The following TAB2 variants were observed in gnomAD, a reference collection of about 807,000 sequenced individuals.
TAB2 encodes TGF-beta activated kinase 1 (MAP3K7) binding protein 2, also known as TGF-beta-activated kinase 1 and MAP3K7-binding protein 2.
In TAB2, 3 loss-of-function variants were observed where a neutral mutation model predicts 65.0. The ratio of observed to expected loss-of-function variants is 0.05; its 90% CI spans 0.02 to 0.12. The LOEUF (loss-of-function observed/expected upper bound fraction) is 0.12. TAB2 is among the 10% of genes least tolerant of loss of function. The pLI is 1.00. For synonymous variants in TAB2, 298 were observed against 285.1 expected (o/e 1.05, Z -0.46); for missense variants, 623 against 840.3 (o/e 0.74, Z 3.20).
chr6:149,265,256 C>G (rs928380599), intron 1 of TAB2, among the ~76,000 whole-genome samples: 1 of 149,412 alleles, frequency 6.7e-6, no homozygotes, highest in African/African-American at 2.5e-5. Context: ...TCTCTAATGG[C>G]GAAGACCCTA....
At chr6:149,315,926 T>G (rs558864192), upstream of TAB2, among the ~76,000 whole-genome samples, 1 of 152,222 alleles carries the variant, frequency 6.6e-6, no homozygotes, top group East Asian at 1.9e-4. Flanking sequence ...TACATGTACA[T>G]TCCATAAATT....
At chr6:149,226,331 G>A (rs910627687) in intron 1 of TAB2, among the ~76,000 whole-genome samples, 49 of 152,204 alleles carry the variant, frequency 3.2e-4, no homozygotes, top group Admixed American at 2.4e-3. Flanking sequence ...GCGTGCTTCC[G>A]CTCTTCAGTG....
intron 2 of TAB2, among the ~76,000 whole-genome samples, chr6:149,374,051 C>G (rs116989619): frequency 6.6e-6 from 1 of 152,078 alleles, no homozygotes; most frequent in Non-Finnish European, 1.5e-5. Context: ...TATAATGATA[C>G]TAAAAATAAA....
At chr6:149,374,021 A>G (rs1478507132) in intron 2 of TAB2, among the ~76,000 whole-genome samples, 1 of 152,168 alleles carries the variant, frequency 6.6e-6, no homozygotes, top group Non-Finnish European at 1.5e-5. Context: ...ACACATCAAA[A>G]TATTAAAGAC....
chr6:149,336,274 A>T (rs1175850325), intron 1 of TAB2, among the ~76,000 whole-genome samples: 1 of 152,184 alleles, frequency 6.6e-6, no homozygotes, highest in African/African-American at 2.4e-5. Context: ...TGGGTTCTTA[A>T]TTAAATAGGA....
At position 149,387,449 on chromosome 6, in the gene TAB2, A is replaced by G. The variant is rs151019040; in HGVS notation, c.1603+7931A>G. Among the ~76,000 whole-genome samples the G allele has an allele frequency of 8.0e-3, 1,212 of 152,234 alleles. 17 individuals carry two copies. The highest frequency in any genetic ancestry group is 0.028 in the African/African-American group (1,167 of 41,546). ...GCGTGGGTTCATTTCTGGACTCTCA[A>G]TTCTTTTCCATTGTTCTATATGTTC... On this transcript the variant is annotated intron_variant, in intron 3 of 6. Transcript: ENST00000637181.
rs1009398583 is a variant in TAB2 at position 149,351,206 on chromosome 6, T to C, written c.-89-18703T>C. ...TCTAGCACTTTGCACAACCTAGTAC[T>C]GTTGAGTTTGTCATGTAGCTTTGTC... On this transcript the variant is annotated intron_variant, in intron 1 of 6. Transcript: ENST00000637181. 2.6e-5 allele frequency among the ~76,000 whole-genome samples: 4 copies of C among 152,320 alleles called. No individual in the cohort carries two copies. The South Asian group carries it at 6.2e-4, about 24-fold the overall frequency.
At chr6:149,290,202 T>C (rs1010378859) in intron 1 of TAB2, among the ~76,000 whole-genome samples, 2 of 152,302 alleles carry the variant, frequency 1.3e-5, no homozygotes, top group African/African-American at 4.8e-5. Context: ...GAACTAGTTT[T>C]TCAGGTTAAC....
intron 2 of TAB2, chr6:149,372,410 G>C (rs1287256270): frequency 6.6e-6 from 1 of 152,182 alleles, no homozygotes; most frequent in Non-Finnish European, 1.5e-5. Flanking sequence ...TGATGGGACA[G>C]AGTTAGGACT....
chr6:149,385,894 C>G (rs1781791979), intron 3 of TAB2, among the ~76,000 whole-genome samples: 1 of 152,044 alleles, frequency 6.6e-6, no homozygotes, highest in Non-Finnish European at 1.5e-5. Context: ...AAAACAAATG[C>G]AATAAAAATG....
At chr6:149,346,775 C>A (rs1238887840) in intron 1 of TAB2, among the ~76,000 whole-genome samples, 2 of 151,964 alleles carry the variant, frequency 1.3e-5, no homozygotes, top group African/African-American at 4.8e-5. Flanking sequence ...TTATAACTTT[C>A]TCTGAATATT....
chr6:149,260,935 C>A (rs1348337699), intron 1 of TAB2, among the ~76,000 whole-genome samples: 2 of 152,130 alleles, frequency 1.3e-5, no homozygotes, highest in African/African-American at 2.4e-5. Flanking sequence ...ATGTTTAGGG[C>A]CCTGAAATAC....
chr6:149,228,755 C>T (rs1165544760), intron 1 of TAB2, among the ~76,000 whole-genome samples: 2 of 152,236 alleles, frequency 1.3e-5, no homozygotes, highest in South Asian at 2.1e-4. Context: ...TAAATGTGTT[C>T]GGTTTAAGAG....
At chr6:149,239,015 T>C (rs1777549325) in intron 1 of TAB2, among the ~76,000 whole-genome samples, 1 of 152,162 alleles carries the variant, frequency 6.6e-6, no homozygotes, top group African/African-American at 2.4e-5. Flanking sequence ...ACAGCGGCAG[T>C]GGAAATATCT....
At position 149,369,987 on chromosome 6, in the gene TAB2, G is replaced by A; in HGVS notation, c.-11G>A. The A allele has an allele frequency of 1.2e-6, 2 of 1,610,128 alleles. No individual in the cohort carries two copies. The highest frequency in any genetic ancestry group is 1.1e-5 in the South Asian group (1 of 91,004). On this transcript the variant is annotated 5_prime_UTR_variant, in exon 2 of 7. Transcript: ENST00000637181. ...CTACTGTACAAATAGTCCTGATCAG[G>A]CAATATACGAATGGCCCAAGGAAGC...
intron 3 of TAB2, among the ~76,000 whole-genome samples, chr6:149,394,060 C>T (rs931934574): frequency 6.6e-6 from 1 of 151,978 alleles, no homozygotes; most frequent in Non-Finnish European, 1.5e-5. Flanking sequence ...TTTTTCTCTC[C>T]TCTTTTGCCA....
chr6:149,229,507 A>G (rs1777358412), intron 1 of TAB2, among the ~76,000 whole-genome samples: 1 of 151,316 alleles, frequency 6.6e-6, no homozygotes, highest in Non-Finnish European at 1.5e-5. Context: ...TCATGGCAAA[A>G]TGTTTTTCTC....
chr6:149,326,271 C>CAAA (rs59070515), intron 1 of TAB2, among the ~76,000 whole-genome samples: 1 of 125,004 alleles, frequency 8.0e-6, no homozygotes, highest in South Asian at 2.6e-4. Context: ...GACCCCATCT[C>CAAA]AAAAAAAAAA....
chr6:149,221,517 C>T (rs1031124126), intron 1 of TAB2, among the ~76,000 whole-genome samples: 1 of 152,228 alleles, frequency 6.6e-6, no homozygotes, highest in Non-Finnish European at 1.5e-5. Context: ...GACCTCATGG[C>T]TCCCCTTAAA....
Sources: gnomAD v4.1 joint callset for allele counts (sites outside exome capture counted in the v4.1 genomes callset) on GRCh38, gnomAD v4.1.1 for gene constraint, MANE v1.5 for transcripts, NCBI Gene and HGNC (gene_info 2026-07-23, HGNC 2026-07-21) for gene names.